CYP7A1: variants seen among roughly 807,000 people sequenced by gnomAD.
CYP7A1 encodes cytochrome P450 7A1.
CYP7A1 carries 28 observed loss-of-function variants against 43.8 expected under a neutral mutation model. That is an observed-to-expected ratio of 0.64 (90% CI 0.47 to 0.88). CYP7A1 has a LOEUF of 0.88. Among genes scored for constraint, CYP7A1 ranks in the 40% least tolerant of loss-of-function variants. The probability of loss-of-function intolerance (pLI) is 0.00; values close to 1 mark genes in which losing one functional copy is unlikely to be tolerated. For synonymous variants in CYP7A1, 227 were observed against 222.5 expected (o/e 1.02, Z -0.18); for missense variants, 637 against 611.9 (o/e 1.04, Z -0.43).
intron 4 of CYP7A1, among the ~76,000 whole-genome samples, chr8:58,493,644 C>A (rs527788686): frequency 1.9e-3 from 294 of 152,258 alleles, no homozygotes; most frequent in African/African-American, 6.6e-3. Context: ...CAGCATGGAA[C>A]CTAAGCTTCT....
intron 2 of CYP7A1, among the ~76,000 whole-genome samples, chr8:58,497,764 TG>T (rs1237926313): frequency 6.6e-6 from 1 of 152,028 alleles, no homozygotes; most frequent in African/African-American, 2.4e-5. Context: ...AAGTAGTTAT[TG>T]GTTTTTTTTC....
Position 58,492,415 on chromosome 8 carries a change from C to T in CYP7A1, c.1153G>A (p.Asp385Asn). 6.2e-7 allele frequency: 1 copy of T among 1,614,068 alleles called. No individual in the cohort carries two copies. The highest frequency in any genetic ancestry group is 1.1e-5 in the South Asian group (1 of 91,074). The part of the protein sequence containing the change: ...EDGSYNIRKD[D>N]IIALYPQLMH... Reference sequence around the variant, plus strand: ...AACTGTGGGTAAAGAGCTATGATGTCATCTTTTCGGATGTTGTAGGAACCG... The same window carrying T: ...AACTGTGGGTAAAGAGCTATGATGTTATCTTTTCGGATGTTGTAGGAACCG... The change falls in exon 5 of 6, where the codon GAC becomes AAC. Residue 385 changes from aspartate to asparagine, a missense_variant. By Grantham distance (23) the Asp-to-Asn change is conservative (BLOSUM62 1). Transcript: ENST00000301645.
chr8:58,497,275 A>T (rs748992481), intron 2 of CYP7A1, 85 bp from the exon 3 acceptor site: 2 of 1,128,138 alleles, frequency 1.8e-6, no homozygotes, highest in Admixed American at 3.7e-5. Context: ...AGATACTTTC[A>T]TAGTTCCTTA....
chr8:58,498,492 A>G (rs549512565), intron 1 of CYP7A1, 23 bp from the exon 2 acceptor site: 1 of 1,613,784 alleles, frequency 6.2e-7, no homozygotes, highest in Admixed American at 1.7e-5. Flanking sequence ...AGTGTATGAT[A>G]GACATGGATG....
intron 3 of CYP7A1, 152 bp downstream of exon 3, chr8:58,496,452 C>A: frequency 1.6e-6 from 1 of 638,120 alleles, no homozygotes. Context: ...ACTGAATGAA[C>A]TCATATATGT....
rs768265129 is a variant in CYP7A1, at chr8:58,494,638, T to C, written c.909-2A>G. Reference sequence around the variant, plus strand: ...GCTGCTTTCATTGCTTCTGGGTTCCTATTAAAAGGTAAGAGAAAACATGTA... The same window carrying C: ...GCTGCTTTCATTGCTTCTGGGTTCCCATTAAAAGGTAAGAGAAAACATGTA... On this transcript the variant is annotated splice_acceptor_variant, in intron 3 of 5. Coordinates refer to ENST00000301645, the MANE Select transcript of CYP7A1 (RefSeq NM_000780.4). LOFTEE classifies it high-confidence loss of function. 43 of 1,613,634 alleles carry C rather than the reference T, an allele frequency of 2.7e-5. No individual in the cohort carries two copies. The highest frequency in any genetic ancestry group is 3.5e-5 in the Non-Finnish European group (41 of 1,179,858).
In CYP7A1 at chr8:58,497,208, A is replaced by G. The variant is rs1809459632; in HGVS notation, c.322-18T>C. On this transcript the variant is annotated intron_variant, in intron 2 of 5. Coordinates refer to ENST00000301645, the MANE Select transcript of CYP7A1 (RefSeq NM_000780.4). ...CCAAATGCCTGATAGCAAATAAAAC[A>G]TGCAGAAAAAGAAGTTAAACCTGAC... The G allele has an allele frequency of 6.3e-7, 1 of 1,589,436 alleles. No individual in the cohort carries two copies. Among genetic ancestry groups the G allele is most frequent in the Non-Finnish European group, 8.5e-7 (1 of 1,170,600 alleles).
rs117423932 is a variant in CYP7A1, at chr8:58,492,439, C to T, written c.1129G>A (p.Gly377Ser). The T allele has an allele frequency of 3.6e-4, 580 of 1,613,836 alleles. No individual in the cohort carries two copies. Among genetic ancestry groups the T allele is most frequent in the African/African-American group, 8.4e-4 (63 of 74,996 alleles). ...TCATCTTTTCGGATGTTGTAGGAAC[C>T]GTCCTCAAGGTGCAAAGTGAAATCC... ...KEDFTLHLEDGSYNIRKDDII... is the reference protein window; with the variant it reads ...KEDFTLHLEDSSYNIRKDDII... Residue 377 changes from glycine to serine, a missense_variant, in exon 5 of 6, where the codon GGT becomes AGT. Coordinates refer to ENST00000301645, the MANE Select transcript of CYP7A1 (RefSeq NM_000780.4).
chr8:58,494,351 C>A (rs556481820), intron 4 of CYP7A1, among the ~76,000 whole-genome samples, 155 bp downstream of exon 4: 1 of 152,146 alleles, frequency 6.6e-6, no homozygotes, highest in East Asian at 1.9e-4. Context: ...GTAACAGTCC[C>A]AAGTCACAGG....
chr8:58,493,142 A>T (rs753988921), intron 4 of CYP7A1, among the ~76,000 whole-genome samples: 2 of 152,240 alleles, frequency 1.3e-5, no homozygotes, highest in Non-Finnish European at 1.5e-5. Flanking sequence ...CTTGGTCATA[A>T]TTGGGAAACA....
At chr8:58,498,174 G>C in intron 2 of CYP7A1, 55 bp downstream of exon 2, 1 of 1,599,634 alleles carries the variant, frequency 6.3e-7, no homozygotes, top group Admixed American at 1.7e-5. Flanking sequence ...AAATAGACAA[G>C]CACATAAAAA....
At chr8:58,494,463 G>A (rs747365511) in intron 4 of CYP7A1, 43 bp downstream of exon 4, 8 of 1,598,172 alleles carry the variant, frequency 5.0e-6, no homozygotes, top group Non-Finnish European at 6.0e-6. Context: ...TGTTAAAGTA[G>A]TAGGACATAG....
chr8:58,493,619 C>T (rs541844499), intron 4 of CYP7A1, among the ~76,000 whole-genome samples: 1 of 152,270 alleles, frequency 6.6e-6, no homozygotes, highest in South Asian at 2.1e-4. Context: ...TGTCCAAAGT[C>T]TCCCAAGTCA....
chr8:58,495,422 G>T (rs1268626838), intron 3 of CYP7A1, among the ~76,000 whole-genome samples: 2 of 151,818 alleles, frequency 1.3e-5, no homozygotes, highest in Non-Finnish European at 2.9e-5. Flanking sequence ...TAGAGACGGG[G>T]TTTCACCGTG....
intron 1 of CYP7A1, 142 bp from the exon 2 acceptor site, chr8:58,498,611 C>T (rs1716361315): frequency 1.2e-6 from 1 of 815,426 alleles, no homozygotes; most frequent in South Asian, 1.5e-5. Context: ...ATGGGCCCTG[C>T]TCTTTTACTA....
intron 5 of CYP7A1, 22 bp from the exon 6 acceptor site, chr8:58,491,796 A>G: frequency 6.3e-7 from 1 of 1,599,012 alleles, no homozygotes; most frequent in Non-Finnish European, 8.6e-7. Flanking sequence ...ATACAAAGAA[A>G]ACCGCCTTTA....
intron 1 of CYP7A1, 119 bp downstream of exon 1, chr8:58,499,900 A>G: frequency 4.2e-6 from 3 of 713,886 alleles, no homozygotes; most frequent in East Asian, 2.7e-5. Flanking sequence ...CATTTAAAAA[A>G]TAAGGAAGAT....
In CYP7A1 at chr8:58,494,595, C is replaced by G. The variant is rs1249151601; in HGVS notation, c.950G>C (p.Arg317Thr). The G allele has an allele frequency of 2.2e-5, 36 of 1,613,934 alleles. No homozygotes were observed. The highest frequency in any genetic ancestry group is 2.9e-5 in the Non-Finnish European group (34 of 1,179,996). Residue 317 changes from arginine to threonine, a missense_variant, in exon 4 of 6, where the codon AGA (arginine) becomes ACA (threonine). Physicochemically the swap from Arg to Thr is moderately conservative, Grantham distance 71 (BLOSUM62 -1). Transcript: ENST00000301645. Reference sequence around the variant, plus strand: ...TTTTTGACCAGCATTCTCTAATGTTCTTTTCACTTCTTCAGTAGCTGCTTT... The same window carrying G: ...TTTTTGACCAGCATTCTCTAATGTTGTTTTCACTTCTTCAGTAGCTGCTTT... ...AMKAATEEVKRTLENAGQKVS... is the reference protein window; with the variant it reads ...AMKAATEEVKTTLENAGQKVS...
chr8:58,498,265 A>T lies in CYP7A1; in HGVS notation c.285T>A (p.Phe95Leu). ...YHKVLCHGKYFDWKKFHFATS... is the reference protein window; with the variant it reads ...YHKVLCHGKYLDWKKFHFATS... ...TAGCAAAGTGAAATTTTTTCCAATC[A>T]AAATATTTTCCGTGGCACAACACCT... The change falls in exon 2 of 6, where the codon TTT becomes TTA. Residue 95 changes from phenylalanine to leucine, a missense_variant. Physicochemically the swap from Phe to Leu is conservative, Grantham distance 22 (BLOSUM62 0). Transcript: ENST00000301645. 1 of 1,614,180 alleles carries T rather than the reference A, an allele frequency of 6.2e-7. No individual in the cohort carries two copies. Among genetic ancestry groups the T allele is most frequent in the Non-Finnish European group, 8.5e-7 (1 of 1,180,008 alleles).
Sources: gnomAD v4.1 joint callset for allele counts (sites outside exome capture counted in the v4.1 genomes callset) on GRCh38, gnomAD v4.1.1 for gene constraint, MANE v1.5 for transcripts, NCBI Gene and HGNC (gene_info 2026-07-23, HGNC 2026-07-21) for gene names.